The following HIPK3 variants were observed in gnomAD, a reference collection of about 807,000 sequenced individuals.
HIPK3 encodes the protein homeodomain interacting protein kinase 3, also known as homeodomain-interacting protein kinase 3.
Under a neutral mutation model 124.2 loss-of-function variants are expected in HIPK3, and 47 were observed. That is an observed-to-expected ratio of 0.38 (90% CI 0.30 to 0.48). The LOEUF is 0.48. Among genes scored for constraint, HIPK3 ranks in the 20% least tolerant of loss-of-function variants. The pLI is 0.98. For synonymous variants in HIPK3, 482 were observed against 515.2 expected (o/e 0.94, Z 0.87); for missense variants, 1,286 against 1,454.3 (o/e 0.88, Z 1.88).
intron 4 of HIPK3, among the ~76,000 whole-genome samples, chr11:33,337,400 G>A (rs1271085985): frequency 1.3e-5 from 2 of 151,168 alleles, no homozygotes; most frequent in African/African-American, 2.4e-5. Context: ...CTCTCGCCCA[G>A]GCTGGAGTGC....
At position 33,258,275 on chromosome 11, in the gene HIPK3, G is replaced by A. The variant is rs897057196; in HGVS notation, c.-3+386G>A. 7 of 984,670 alleles carry A rather than the reference G, an allele frequency of 7.1e-6. No individual in the cohort carries two copies. In the African/African-American group the frequency reaches 1.2e-4, roughly 17 times the overall value. The allele number at this position is 984,670 out of a possible 1,614,324, so 61.0% of individuals were successfully genotyped here. On this transcript the variant is annotated intron_variant, in intron 1 of 16. Coordinates refer to ENST00000303296, the MANE Select transcript of HIPK3 (RefSeq NM_005734.5). ...ACCGAAGTTTTGTTTAGTCCCACGG[G>A]GAGCCTCTCTTCCCCCTCCGCAGTC...
At chr11:33,273,538 A>AAG (rs61511546) in intron 1 of HIPK3, among the ~76,000 whole-genome samples, 1 of 148,858 alleles carries the variant, frequency 6.7e-6, no homozygotes, top group Non-Finnish European at 1.5e-5. Flanking sequence ...AAAAAAAAAA[A>AAG]GAAGATTTTG....
At chr11:33,344,174 A>G (rs761348221) in intron 8 of HIPK3, among the ~76,000 whole-genome samples, 1 of 152,220 alleles carries the variant, frequency 6.6e-6, no homozygotes, top group Non-Finnish European at 1.5e-5. Context: ...TTGAAATTAA[A>G]TGGTAGATTT....
At chr11:33,351,465 C>T in intron 14 of HIPK3, 143 bp from the exon 15 acceptor site, 1 of 613,834 alleles carries the variant, frequency 1.6e-6, no homozygotes, top group Non-Finnish European at 2.9e-6. Context: ...TGAAAAAGTG[C>T]TATTGGACAA....
At chr11:33,347,441 A>C in intron 9 of HIPK3, 27 bp downstream of exon 9, 1 of 1,612,670 alleles carries the variant, frequency 6.2e-7, no homozygotes, top group Non-Finnish European at 8.5e-7. Context: ...TCTTTGCCAT[A>C]TATCAGCTTG....
Position 33,351,671 on chromosome 11 carries a change from T to C in HIPK3, c.2871T>C (p.Ser957=), listed in dbSNP as rs745789200. ...TGGATGGCTCTCCGACATCTGACTC[T>C]TCCGGGCATGACAGTCCATTTGCAG... ...DTVDGSPTSD[S]SGHDSPFAES... The change falls in exon 15 of 17, where the codon TCT becomes TCC. Residue 957 remains serine, a synonymous_variant. Transcript: ENST00000303296. 9.9e-6 allele frequency: 16 copies of C among 1,614,140 alleles called. No homozygotes were observed. The South Asian group carries it at 1.8e-4, about 18-fold the overall frequency.
chr11:33,278,259 A>G (rs569287519), intron 1 of HIPK3, among the ~76,000 whole-genome samples: 1 of 152,328 alleles, frequency 6.6e-6, no homozygotes, highest in Admixed American at 6.5e-5. Flanking sequence ...TTCTATCTAT[A>G]ATTTTACTAG....
At chr11:33,306,290 T>C (rs2133934948) in intron 2 of HIPK3, among the ~76,000 whole-genome samples, 1 of 152,310 alleles carries the variant, frequency 6.6e-6, no homozygotes, top group East Asian at 1.9e-4. Flanking sequence ...TGGTTAAATA[T>C]AATTATAGAA....
chr11:33,279,195 T>G (rs1006790277), intron 1 of HIPK3, among the ~76,000 whole-genome samples: 1 of 151,324 alleles, frequency 6.6e-6, no homozygotes, highest in Admixed American at 6.6e-5. Context: ...ATGCCTATAA[T>G]CCCAGCTACT....
At chr11:33,312,204 T>C (rs1463460904) in intron 2 of HIPK3, among the ~76,000 whole-genome samples, 7 of 152,186 alleles carry the variant, frequency 4.6e-5, no homozygotes, top group Non-Finnish European at 8.8e-5. Flanking sequence ...TCTATAGTTG[T>C]TCAGTATCCT....
At chr11:33,332,783 A>G (rs188170955) in intron 3 of HIPK3, among the ~76,000 whole-genome samples, 1 of 152,252 alleles carries the variant, frequency 6.6e-6, no homozygotes, top group Non-Finnish European at 1.5e-5. Flanking sequence ...GTATTAGGCC[A>G]TTTGCATTGC....
chr11:33,343,263 G>A (rs1426349072), intron 8 of HIPK3, among the ~76,000 whole-genome samples: 6 of 139,530 alleles, frequency 4.3e-5, no homozygotes, highest in Admixed American at 4.2e-4. Context: ...GTGTGTGTGT[G>A]TGTGTGTGTG....
At chr11:33,258,766 A>C (rs1850744954) in intron 1 of HIPK3, 1 of 976,280 alleles carries the variant, frequency 1.0e-6, no homozygotes, top group African/African-American at 1.8e-5. Flanking sequence ...GTGTGTGCGT[A>C]AATTACCTTG....
intron 1 of HIPK3, among the ~76,000 whole-genome samples, chr11:33,261,481 C>G (rs758446131): frequency 7.4e-4 from 113 of 152,164 alleles, no homozygotes; most frequent in Non-Finnish European, 1.1e-3. Flanking sequence ...GTTTTCTGTT[C>G]CTGCATTATT....
intron 1 of HIPK3, among the ~76,000 whole-genome samples, chr11:33,265,537 G>T (rs1472462886): frequency 6.6e-6 from 1 of 151,926 alleles, no homozygotes; most frequent in Non-Finnish European, 1.5e-5. Context: ...ACTTTGGGAG[G>T]CTGTGGTGTG....
At chr11:33,315,612 C>T (rs990260711) in intron 2 of HIPK3, among the ~76,000 whole-genome samples, 2 of 152,232 alleles carry the variant, frequency 1.3e-5, no homozygotes, top group African/African-American at 4.8e-5. Context: ...GTCTGCCTGC[C>T]TTGGCCTCCC....
chr11:33,301,820 T>TCACACACACACACA (rs1565073677), intron 2 of HIPK3, among the ~76,000 whole-genome samples: 2 of 24,836 alleles, frequency 8.1e-5, no homozygotes, highest in African/African-American at 1.2e-4. Context: ...AAACCCTGTC[T>TCACACACACACACA]GACACACACA....
At chr11:33,296,636 C>A (rs1439375890) in intron 2 of HIPK3, among the ~76,000 whole-genome samples, 1 of 152,062 alleles carries the variant, frequency 6.6e-6, no homozygotes, top group East Asian at 1.9e-4. Context: ...TTATTTGTTA[C>A]AATGATCTTT....
chr11:33,281,042 A>G (rs1349771471), intron 1 of HIPK3, among the ~76,000 whole-genome samples: 3 of 122,188 alleles, frequency 2.5e-5, no homozygotes, highest in Non-Finnish European at 5.1e-5. Context: ...TTTTATGTGT[A>G]TATTTACTTA....
Sources: allele counts gnomAD v4.1 joint callset (sites outside exome capture counted in the v4.1 genomes callset), GRCh38; gene constraint gnomAD v4.1.1; transcripts MANE v1.5; gene names NCBI Gene and HGNC (gene_info 2026-07-23, HGNC 2026-07-21).